KLF8: variants seen among roughly 807,000 people sequenced by gnomAD.
The protein encoded by KLF8 is Krueppel-like factor 8.
Under a neutral mutation model 18.2 loss-of-function variants are expected in KLF8, and 10 were observed. That is an observed-to-expected ratio of 0.55 (90% confidence interval 0.34 to 0.93). KLF8 has a LOEUF of 0.93. Among genes scored for constraint, KLF8 ranks in the 40% least tolerant of loss-of-function variants. The pLI, the probability that KLF8 is intolerant of heterozygous loss-of-function variation, is 0.02. For synonymous variants in KLF8, 109 were observed against 97.3 expected (o/e 1.12, Z -0.71); for missense variants, 264 against 277.9 (o/e 0.95, Z 0.36).
At chrX:56,228,040 A>G (rs2066380835), upstream of KLF8, among the ~76,000 whole-genome samples, 1 of 111,849 alleles carries the variant, frequency 8.9e-6, no homozygotes, top group South Asian at 3.8e-4. Flanking sequence ...CCCTGGCCAC[A>G]TGTTTCTGGC....
At chrX:55,929,813 ATTTTTTTTTTTTC>A in the KLF8 span, among the ~76,000 whole-genome samples, 2 of 92,073 alleles carry the variant, frequency 2.2e-5, no homozygotes, top group Admixed American at 2.4e-4. Context: ...ATGCCTCCAG[ATTTTTTTTTTTTC>A]TTTTTTTTTT....
the KLF8 span, among the ~76,000 whole-genome samples, chrX:55,929,834 T>C: frequency 9.1e-6 from 1 of 110,266 alleles, no homozygotes; most frequent in Non-Finnish European, 1.9e-5. Flanking sequence ...TTCTTTTTTT[T>C]TTCCACTGAG....
chrX:56,151,962 AC>A, the KLF8 span, among the ~76,000 whole-genome samples: 1 of 111,387 alleles, frequency 9.0e-6, no homozygotes, highest in East Asian at 2.8e-4. Flanking sequence ...AGTACAAAAT[AC>A]AAATAATCCA....
the KLF8 span, among the ~76,000 whole-genome samples, chrX:56,005,574 G>A: frequency 8.9e-6 from 1 of 112,380 alleles, no homozygotes; most frequent in Non-Finnish European, 1.9e-5. Context: ...GTTCGCATCA[G>A]CATCAGTGGC....
the KLF8 span, among the ~76,000 whole-genome samples, chrX:56,150,036 G>A: frequency 5.9e-4 from 66 of 111,853 alleles, 1 homozygote; most frequent in Non-Finnish European, 9.6e-4. Context: ...CTTGAATGTT[G>A]GGCAGGAGGT....
At chrX:56,247,084 T>TA (rs1244339386) in intron 1 of KLF8, among the ~76,000 whole-genome samples, 1 of 111,979 alleles carries the variant, frequency 8.9e-6, no homozygotes, top group African/African-American at 3.2e-5. Context: ...AGACAATTTT[T>TA]ACATTGTGTG....
At chrX:56,030,034 G>A in the KLF8 span, among the ~76,000 whole-genome samples, 1 of 112,541 alleles carries the variant, frequency 8.9e-6, no homozygotes, top group African/African-American at 3.2e-5. Flanking sequence ...CTAAGGCCAT[G>A]TTAATCATAT....
chrX:56,155,002 T>A, the KLF8 span, among the ~76,000 whole-genome samples: 1 of 112,127 alleles, frequency 8.9e-6, no homozygotes, highest in Non-Finnish European at 1.9e-5. Flanking sequence ...TTTACACTGT[T>A]GGTGGGACTG....
chrX:56,137,610 G>A, the KLF8 span, among the ~76,000 whole-genome samples: 42,632 of 73,977 alleles, frequency 0.58, 12,439 homozygotes, highest in East Asian at 0.76. Flanking sequence ...TGTTGGGTGG[G>A]GGGAGGGGGG....
chrX:55,948,057 G>T, the KLF8 span, among the ~76,000 whole-genome samples: 1 of 111,966 alleles, frequency 8.9e-6, no homozygotes, highest in African/African-American at 3.2e-5. Context: ...GCTGGAAGTT[G>T]GGAAGTATAG....
the KLF8 span, among the ~76,000 whole-genome samples, chrX:56,065,418 T>C: frequency 8.9e-6 from 1 of 112,319 alleles, no homozygotes; most frequent in Non-Finnish European, 1.9e-5. Flanking sequence ...AGTTCCAGAT[T>C]TTTTTATGAT....
At chrX:56,187,407 C>T in the KLF8 span, among the ~76,000 whole-genome samples, 4 of 111,439 alleles carry the variant, frequency 3.6e-5, no homozygotes, top group African/African-American at 9.8e-5. Context: ...AAAGAGTCCA[C>T]GACCAGATGA....
At chrX:55,943,329 C>T in the KLF8 span, among the ~76,000 whole-genome samples, 229 of 110,284 alleles carry the variant, frequency 2.1e-3, no homozygotes, top group Non-Finnish European at 3.8e-3. Flanking sequence ...TTTAACAACA[C>T]GGTACTAGAT....
chrX:56,216,992 A>G, the KLF8 span, among the ~76,000 whole-genome samples: 3 of 111,637 alleles, frequency 2.7e-5, no homozygotes, highest in Non-Finnish European at 3.8e-5. Context: ...AGCATATAGT[A>G]TGTGCCAAAC....
the KLF8 span, among the ~76,000 whole-genome samples, chrX:56,169,750 G>A: frequency 1.8e-5 from 2 of 111,904 alleles, no homozygotes; most frequent in South Asian, 3.7e-4. Flanking sequence ...GACCCACCAG[G>A]GGCCTAGGGG....
At chrX:55,933,484 A>G in the KLF8 span, among the ~76,000 whole-genome samples, 1 of 112,487 alleles carries the variant, frequency 8.9e-6, no homozygotes, top group African/African-American at 3.2e-5. Flanking sequence ...TATTATTTAA[A>G]ATGATCAGTT....
chrX:56,171,054 G>C, the KLF8 span, among the ~76,000 whole-genome samples: 2 of 111,859 alleles, frequency 1.8e-5, no homozygotes, highest in Non-Finnish European at 3.8e-5. Flanking sequence ...GGATGTTAAT[G>C]AGCATTAAGA....
At chrX:55,942,463 A>G in the KLF8 span, among the ~76,000 whole-genome samples, 1 of 110,617 alleles carries the variant, frequency 9.0e-6, no homozygotes, top group Non-Finnish European at 1.9e-5. Flanking sequence ...GCACATGTGT[A>G]CATATATAAC....
At chrX:55,992,997 G>A in the KLF8 span, among the ~76,000 whole-genome samples, 1 of 111,244 alleles carries the variant, frequency 9.0e-6, no homozygotes, top group East Asian at 2.8e-4. Flanking sequence ...TAAGCGTTTT[G>A]GCAGAGATTA....
Sources: allele counts gnomAD v4.1 joint callset (sites outside exome capture counted in the v4.1 genomes callset), GRCh38; gene constraint gnomAD v4.1.1; transcripts MANE v1.5; gene names NCBI Gene and HGNC (gene_info 2026-07-23, HGNC 2026-07-21).